Variants in WRN observed in about 807,000 individuals in gnomAD.
WRN encodes bifunctional 3'-5' exonuclease/ATP-dependent helicase WRN.
A neutral mutation model predicts 180.7 loss-of-function variants in WRN; 149 were observed. The observed-to-expected ratio is 0.82, with a 90% CI of 0.72 to 0.94. The LOEUF (loss-of-function observed/expected upper bound fraction) is 0.94, where lower values mean the gene tolerates loss of function less well. Among genes scored for constraint, WRN ranks in the 40% least tolerant of loss-of-function variants. WRN has a pLI of 0.00. For synonymous variants in WRN, 548 were observed against 568.9 expected, an observed-to-expected ratio of 0.96 and a Z score of 0.52; for missense variants, 1,661 against 1,700.1, an observed-to-expected ratio of 0.98 and a Z score of 0.40.
chr8:31,075,770 A>C (rs1813073574), intron 7 of WRN, among the ~76,000 whole-genome samples: 1 of 151,986 alleles, frequency 6.6e-6, no homozygotes, highest in African/African-American at 2.4e-5. Flanking sequence ...CTGACTGGGA[A>C]TGAAGGCAAT....
At chr8:31,108,378 A>G (rs1409139627) in intron 18 of WRN, among the ~76,000 whole-genome samples, 1 of 152,202 alleles carries the variant, frequency 6.6e-6, no homozygotes, top group Non-Finnish European at 1.5e-5. Context: ...TCTAGTTTAT[A>G]TATTTTAAAT....
At position 31,043,942 on chromosome 8, in the gene WRN, A is replaced by G. The variant is rs182966677; in HGVS notation, c.-77+9969A>G. On this transcript the variant is annotated intron_variant, in intron 1 of 34. Coordinates refer to ENST00000298139, the MANE Select transcript of WRN (RefSeq NM_000553.6). Reference sequence around the variant, plus strand: ...TTATTTCCTTCCATAATTGCAAAATATCTGATTTTTCTTCTTGTTTGTATT... The same window carrying G: ...TTATTTCCTTCCATAATTGCAAAATGTCTGATTTTTCTTCTTGTTTGTATT... 1.0e-3 allele frequency among the ~76,000 whole-genome samples: 152 copies of G among 151,826 alleles called. 3 individuals are homozygous for G. The East Asian group carries it at 0.022, about 22-fold the overall frequency.
At chr8:31,159,024 C>T (rs1221306953) in intron 33 of WRN, among the ~76,000 whole-genome samples, 2 of 151,956 alleles carry the variant, frequency 1.3e-5, no homozygotes, top group Admixed American at 6.6e-5. Context: ...ACAGGCCGGG[C>T]GTGGTGGCTT....
intron 1 of WRN, among the ~76,000 whole-genome samples, chr8:31,058,056 T>G (rs1300689259): frequency 6.6e-6 from 1 of 152,178 alleles, no homozygotes; most frequent in Non-Finnish European, 1.5e-5. Context: ...TGTAGAAAAT[T>G]TAAAATGTCA....
intron 32 of WRN, among the ~76,000 whole-genome samples, chr8:31,156,503 C>T (rs1014368204): frequency 3.3e-5 from 5 of 152,196 alleles, no homozygotes; most frequent in African/African-American, 9.6e-5. Context: ...ACATGGTGCA[C>T]ACTTTTCTAG....
At chr8:31,114,671 A>T (rs894311989) in intron 19 of WRN, among the ~76,000 whole-genome samples, 2 of 152,054 alleles carry the variant, frequency 1.3e-5, no homozygotes, top group East Asian at 1.9e-4. Flanking sequence ...TGACCCTACT[A>T]CTGTGCAGAT....
At chr8:31,113,525 CTGTT>C (rs1801399843) in intron 19 of WRN, among the ~76,000 whole-genome samples, 1 of 152,142 alleles carries the variant, frequency 6.6e-6, no homozygotes, top group African/African-American at 2.4e-5. Context: ...TTGAAGAAGG[CTGTT>C]TGTCCTAGGT....
intron 21 of WRN, among the ~76,000 whole-genome samples, chr8:31,120,863 G>C (rs1334765756): frequency 1.3e-5 from 2 of 151,926 alleles, no homozygotes; most frequent in African/African-American, 4.8e-5. Context: ...GATTATTCCA[G>C]AGGATTTCTC....
At chr8:31,085,086 A>G (rs939544743) in intron 10 of WRN, 80 bp from the exon 11 acceptor site, 23 of 1,325,866 alleles carry the variant, frequency 1.7e-5, no homozygotes, top group East Asian at 7.2e-5. Context: ...GATATCTAGT[A>G]TATAGGAGCT....
intron 7 of WRN, among the ~76,000 whole-genome samples, chr8:31,074,416 G>A (rs1014760203): frequency 2.0e-5 from 3 of 152,130 alleles, no homozygotes; most frequent in African/African-American, 7.2e-5. Context: ...GTGGGAAGAC[G>A]TAATTCTCTT....
intron 1 of WRN, among the ~76,000 whole-genome samples, chr8:31,052,337 C>T (rs1431641650): frequency 6.6e-6 from 1 of 151,928 alleles, no homozygotes; most frequent in African/African-American, 2.4e-5. Flanking sequence ...TTTTGGTATA[C>T]ATTGCTCCAG....
At chr8:31,063,310 T>G (rs770814455) in intron 3 of WRN, among the ~76,000 whole-genome samples, 3 of 152,276 alleles carry the variant, frequency 2.0e-5, no homozygotes, top group African/African-American at 4.8e-5. Flanking sequence ...TAGTTCCATT[T>G]TAACTGTTAT....
chr8:31,173,007 GAGAGAA>G lies in WRN; in HGVS notation c.4210_4215del (p.Lys1404_Arg1405del), dbSNP rs1307086896. The G allele has an allele frequency of 1.9e-6, 3 of 1,613,710 alleles. No homozygotes were observed. The highest frequency in any genetic ancestry group is 2.5e-6 in the Non-Finnish European group (3 of 1,179,896). On this transcript the variant is annotated inframe_deletion, in exon 35 of 35. Coordinates refer to ENST00000298139, the MANE Select transcript of WRN (RefSeq NM_000553.6). Reference sequence around the variant, plus strand: ...CTATTTCCTACAGACTTCATCTGCAGAGAGAAAGAGACGATTACCTGTGTGGTTTGC... The same window carrying G: ...CTATTTCCTACAGACTTCATCTGCAGAGAGACGATTACCTGTGTGGTTTGC...
rs61761622 is a variant in WRN at position 31,141,751 on chromosome 8, G to T, written c.3209G>T (p.Cys1070Phe). ...ATCCTTCAAGCTAATGAAGAATTGT[G>T]TCCAAAGAAGTTGCTTCTGCCTAGG... ...SLILQANEEL[C>F]PKKLLLPSSK... The change falls in exon 26 of 35, where the codon TGT (cysteine) becomes TTT (phenylalanine). Residue 1070 changes from cysteine (C) to phenylalanine (F), a missense_variant. This residue lies in a region of WRN where 1,141 missense variants were observed against 1,149.4 expected (regional missense o/e 0.99). Transcript: ENST00000298139. The T allele has an allele frequency of 5.6e-5, 90 of 1,613,930 alleles. No individual in the cohort carries two copies. The African/African-American group carries it at 9.9e-4, about 18-fold the overall frequency.
Position 31,175,391 on chromosome 8 carries a change from C to T in WRN, c.*2289C>T, listed in dbSNP as rs1171748656. Among the ~76,000 whole-genome samples the T allele has an allele frequency of 2.0e-5, 3 of 152,088 alleles. No homozygotes were observed. The highest frequency in any genetic ancestry group is 2.9e-5 in the Non-Finnish European group (2 of 68,004). On this transcript the variant is annotated 3_prime_UTR_variant, in exon 35 of 35. Transcript: ENST00000298139. ...CGGAGATTGCAGTGAGCTGAGACTG[C>T]GCCACTGCACCCCAGCCTGGCGACA... is the stretch of plus-strand genomic sequence containing the variant.
intron 31 of WRN, among the ~76,000 whole-genome samples, chr8:31,153,538 A>G (rs1216312385): frequency 6.6e-6 from 1 of 152,208 alleles, no homozygotes; most frequent in Non-Finnish European, 1.5e-5. Context: ...CTCCACTGCT[A>G]GGGTTATTTG....
intron 1 of WRN, among the ~76,000 whole-genome samples, chr8:31,052,733 T>A (rs1447456823): frequency 6.6e-6 from 1 of 152,200 alleles, no homozygotes; most frequent in African/African-American, 2.4e-5. Flanking sequence ...AACATTATTT[T>A]TAATGACTGT....
At chr8:31,044,572 GT>G (rs1811787822) in intron 1 of WRN, among the ~76,000 whole-genome samples, 1 of 151,794 alleles carries the variant, frequency 6.6e-6, no homozygotes, top group East Asian at 1.9e-4. Flanking sequence ...GGTCAGGCTG[GT>G]CTCGAACTCT....
chr8:31,067,058 T>G lies in WRN; in HGVS notation c.530T>G (p.Leu177Arg), dbSNP rs1163536338. 1 of 1,613,804 alleles carries G rather than the reference T, an allele frequency of 6.2e-7. No homozygotes were observed. Among genetic ancestry groups the G allele is most frequent in the Non-Finnish European group, 8.5e-7 (1 of 1,179,952 alleles). Reference protein sequence around the residue: ...KKLKCTETWSLNSLVKHLLGK... With the variant: ...KKLKCTETWSRNSLVKHLLGK... ...CTGAAATGCACAGAGACCTGGAGCCTTAACAGTCTGGTTAAACACCTCTTA... is the reference window on the plus strand; with the variant it reads ...CTGAAATGCACAGAGACCTGGAGCCGTAACAGTCTGGTTAAACACCTCTTA... The change falls in exon 6 of 35, where the codon CTT becomes CGT. Residue 177 changes from leucine (L) to arginine (R), a missense_variant. Coordinates refer to ENST00000298139, the MANE Select transcript of WRN (RefSeq NM_000553.6).
Sources: allele counts gnomAD v4.1 joint callset (sites outside exome capture counted in the v4.1 genomes callset), GRCh38; gene constraint gnomAD v4.1.1; regional missense constraint gnomAD v4.1.1; transcripts MANE v1.5; gene names NCBI Gene and HGNC (gene_info 2026-07-23, HGNC 2026-07-21).